Variants in SORCS3 observed in about 807,000 individuals in gnomAD.
SORCS3 encodes sortilin related VPS10 domain containing receptor 3, also known as VPS10 domain-containing receptor SorCS3.
SORCS3 carries 57 observed loss-of-function variants against 146.3 expected under a neutral mutation model. The ratio of observed to expected loss-of-function variants is 0.39; its 90% CI spans 0.31 to 0.49. The LOEUF (loss-of-function observed/expected upper bound fraction) is 0.49, where lower values mean the gene tolerates loss of function less well. SORCS3 is among the 20% of genes least tolerant of loss of function. The pLI, the probability that SORCS3 is intolerant of heterozygous loss-of-function variation, is 0.92. For missense variants in SORCS3, 1,341 were observed against 1,575.5 expected (o/e 0.85, Z 2.52); for synonymous variants, 653 against 618.5 (o/e 1.06, Z -0.83).
chr10:104,914,434 T>A (rs1205838283), intron 2 of SORCS3, among the ~76,000 whole-genome samples: 1 of 151,858 alleles, frequency 6.6e-6, no homozygotes, highest in East Asian at 1.9e-4. Context: ...AGGTGGGTGT[T>A]TACACTGGGC....
chr10:104,649,112 G>A (rs1235801675), intron 1 of SORCS3, among the ~76,000 whole-genome samples: 1 of 152,142 alleles, frequency 6.6e-6, no homozygotes, highest in Non-Finnish European at 1.5e-5. Context: ...CAACTTGTGT[G>A]AATTCATATT....
chr10:104,801,976 C>T (rs933712783), intron 1 of SORCS3, among the ~76,000 whole-genome samples: 1 of 152,184 alleles, frequency 6.6e-6, no homozygotes, highest in Admixed American at 6.5e-5. Flanking sequence ...AGACCTACTT[C>T]CCATTGCCAG....
chr10:104,752,048 T>G (rs780744423), intron 1 of SORCS3, among the ~76,000 whole-genome samples: 1 of 149,044 alleles, frequency 6.7e-6, no homozygotes, highest in Non-Finnish European at 1.5e-5. Context: ...AAACTTTTTT[T>G]TTTTGAGGCA....
intron 2 of SORCS3, among the ~76,000 whole-genome samples, chr10:104,872,277 A>AC (rs1430599082): frequency 1.3e-5 from 2 of 151,800 alleles, no homozygotes; most frequent in African/African-American, 4.8e-5. Context: ...TCCAGCAGTG[A>AC]CTCCCCTGTG....
At chr10:104,796,957 T>A (rs1422806951) in intron 1 of SORCS3, among the ~76,000 whole-genome samples, 1 of 152,260 alleles carries the variant, frequency 6.6e-6, no homozygotes, top group Non-Finnish European at 1.5e-5. Context: ...TAATCAGTGA[T>A]GGATGGCCCT....
intron 1 of SORCS3, among the ~76,000 whole-genome samples, chr10:104,696,928 A>G (rs1057465426): frequency 1.1e-4 from 16 of 150,736 alleles, no homozygotes; most frequent in Non-Finnish European, 2.4e-4. Flanking sequence ...GAATCTAAAA[A>G]AGTTGAACTC....
chr10:104,780,230 C>T (rs138058289), intron 1 of SORCS3, among the ~76,000 whole-genome samples: 579 of 151,756 alleles, frequency 3.8e-3, no homozygotes, highest in Non-Finnish European at 6.0e-3. Flanking sequence ...AGAACTAGCA[C>T]GCCACACGTT....
intron 6 of SORCS3, among the ~76,000 whole-genome samples, chr10:105,094,519 A>G (rs1273262894): frequency 2.6e-5 from 4 of 152,150 alleles, no homozygotes; most frequent in Non-Finnish European, 5.9e-5. Flanking sequence ...CTTAAAATCT[A>G]TATATACTGT....
intron 1 of SORCS3, among the ~76,000 whole-genome samples, chr10:104,688,408 A>G (rs2016073675): frequency 6.6e-6 from 1 of 152,184 alleles, no homozygotes; most frequent in South Asian, 2.1e-4. Flanking sequence ...CTTTGAGCTT[A>G]GTGGATGCAG....
chr10:104,721,399 G>A (rs1218382972), intron 1 of SORCS3, among the ~76,000 whole-genome samples: 4 of 152,218 alleles, frequency 2.6e-5, no homozygotes, highest in African/African-American at 7.2e-5. Flanking sequence ...ATAGTTTGAA[G>A]TCAGGTAGCC....
intron 1 of SORCS3, among the ~76,000 whole-genome samples, chr10:104,764,002 C>CTTT (rs58439388): frequency 7.0e-6 from 1 of 142,870 alleles, no homozygotes. Context: ...TCAATTAAAC[C>CTTT]TTTTTTTTTT....
At chr10:104,753,289 T>C (rs976578824) in intron 1 of SORCS3, among the ~76,000 whole-genome samples, 2 of 152,200 alleles carry the variant, frequency 1.3e-5, no homozygotes, top group East Asian at 3.9e-4. Flanking sequence ...CAGGGCCACC[T>C]TCACTGTTTG....
intron 5 of SORCS3, among the ~76,000 whole-genome samples, chr10:105,059,150 T>C (rs1314744314): frequency 6.6e-6 from 1 of 152,028 alleles, no homozygotes; most frequent in East Asian, 1.9e-4. Context: ...GGGAGACAAA[T>C]TAGTGGAGTC....
intron 1 of SORCS3, among the ~76,000 whole-genome samples, chr10:104,781,818 C>A (rs976450329): frequency 6.6e-6 from 1 of 152,218 alleles, no homozygotes; most frequent in African/African-American, 2.4e-5. Flanking sequence ...GTTGTCCTGG[C>A]CTTTTGGTAT....
intron 13 of SORCS3, among the ~76,000 whole-genome samples, chr10:105,169,655 C>T (rs1411420486): frequency 6.6e-6 from 1 of 152,060 alleles, no homozygotes; most frequent in Non-Finnish European, 1.5e-5. Context: ...AACTTACATG[C>T]CAGTTTAAGG....
intron 1 of SORCS3, among the ~76,000 whole-genome samples, chr10:104,806,655 G>C (rs990460561): frequency 1.3e-5 from 2 of 152,300 alleles, no homozygotes; most frequent in South Asian, 2.1e-4. Context: ...CATTTTGAAG[G>C]CTTTGTGGAA....
chr10:105,193,826 G>A (rs189233777), intron 14 of SORCS3, among the ~76,000 whole-genome samples: 43 of 152,220 alleles, frequency 2.8e-4, no homozygotes, highest in African/African-American at 1.0e-3. Flanking sequence ...CAATTCAAGA[G>A]CACAGGAAGA....
intron 7 of SORCS3, among the ~76,000 whole-genome samples, chr10:105,108,679 T>C (rs539343337): frequency 6.6e-6 from 1 of 152,164 alleles, no homozygotes; most frequent in Non-Finnish European, 1.5e-5. Flanking sequence ...GGATTAACAA[T>C]GCCCCAAATA....
intron 13 of SORCS3, among the ~76,000 whole-genome samples, chr10:105,175,718 G>A (rs2056396189): frequency 1.3e-5 from 2 of 152,084 alleles, no homozygotes; most frequent in Non-Finnish European, 2.9e-5. Flanking sequence ...TGATTATTTA[G>A]CCTTCAATAT....
Sources: allele counts gnomAD v4.1 joint callset (sites outside exome capture counted in the v4.1 genomes callset), GRCh38; gene constraint gnomAD v4.1.1; transcripts MANE v1.5; gene names NCBI Gene and HGNC (gene_info 2026-07-23, HGNC 2026-07-21).